HMCN2: variants seen among roughly 807,000 people sequenced by gnomAD.
HMCN2 encodes the protein hemicentin-2.
A neutral mutation model predicts 377.5 loss-of-function variants in HMCN2; 325 were observed. The ratio of observed to expected loss-of-function variants is 0.86; its 90% CI spans 0.79 to 0.94. HMCN2 has a LOEUF of 0.94. Ranked by LOEUF, HMCN2 falls within the 40% of genes least tolerant of loss-of-function variation. The pLI is 0.00. For synonymous variants in HMCN2, 2,007 were observed against 2,046.8 expected (o/e 0.98, Z 0.53); for missense variants, 4,543 against 4,725.3 (o/e 0.96, Z 1.13).
intron 85 of HMCN2, 44 bp downstream of exon 85, chr9:130,410,696 C>A: frequency 6.6e-7 from 1 of 1,513,348 alleles, no homozygotes; most frequent in Non-Finnish European, 9.0e-7. Flanking sequence ...GAAGTGTGCT[C>A]GGGGACAGCG....
At chr9:130,407,984 C>CTTCTGACCAATTGCCT (rs1302565483) in intron 83 of HMCN2, among the ~76,000 whole-genome samples, 4 of 152,210 alleles carry the variant, frequency 2.6e-5, no homozygotes, top group Non-Finnish European at 5.9e-5. Flanking sequence ...ACCAATTGCC[C>CTTCTGACCAATTGCCT]TACAGCACTA....
rs11288770 is a variant in HMCN2 at position 130,269,792 on chromosome 9, G to GTT, written c.259+3665_259+3666dup. 7.8e-5 allele frequency among the ~76,000 whole-genome samples: 11 copies of GTT among 141,148 alleles called. 1 individual carries two copies. Among genetic ancestry groups the GTT allele is most frequent in the Non-Finnish European group, 9.5e-5 (6 of 62,872 alleles). The allele number at this position is 141,148 out of a possible 152,430, so 92.6% of individuals were successfully genotyped here. On this transcript the variant is annotated intron_variant, in intron 1 of 97. Coordinates refer to ENST00000683500, the MANE Select transcript of HMCN2 (RefSeq NM_001291815.2). Reference sequence around the variant, plus strand: ...GGACCTTATGTTGATGATGTTATCTGTTTTTTTTTTTGTTGTTGTTTGTTT... The same window carrying GTT: ...GGACCTTATGTTGATGATGTTATCTGTTTTTTTTTTTTTGTTGTTGTTTGTTT...
At chr9:130,266,951 T>C (rs1834137014) in intron 1 of HMCN2, among the ~76,000 whole-genome samples, 1 of 114,344 alleles carries the variant, frequency 8.7e-6, no homozygotes, top group Non-Finnish European at 1.7e-5. Context: ...TTTCCACACT[T>C]CTTTTTTTTT....
In HMCN2 at chr9:130,308,030, C is replaced by T. The variant is rs1554937492; in HGVS notation, c.2200+464C>T. On this transcript the variant is annotated intron_variant, in intron 14 of 97. Transcript: ENST00000683500. The surrounding 1 kb of genome is among the most constrained non-coding windows in gnomAD (Gnocchi z 4.1). ...GGTGTGCAGTGGTGTAATCTCGGCTCACTGCAGCCTCCACCTCCTGGGTTC... is the reference window on the plus strand; with the variant it reads ...GGTGTGCAGTGGTGTAATCTCGGCTTACTGCAGCCTCCACCTCCTGGGTTC... Among the ~76,000 whole-genome samples the T allele has an allele frequency of 6.6e-6, 1 of 151,900 alleles. No homozygotes were observed. Among genetic ancestry groups the T allele is most frequent in the African/African-American group, 2.4e-5 (1 of 41,322 alleles).
chr9:130,309,932 G>GCC lies in HMCN2; in HGVS notation c.2224_2225dup (p.Glu743LeufsTer47). 1.9e-6 allele frequency: 1 copy of GCC among 517,318 alleles called. No homozygotes were observed. The highest frequency in any genetic ancestry group is 4.0e-6 in the Non-Finnish European group (1 of 251,872). The allele number at this position is 517,318 out of a possible 1,614,324, so 32.0% of individuals were successfully genotyped here. A position where few individuals can be genotyped will look rare whatever the true frequency, so the allele number is the denominator to read the frequency against. On this transcript the variant is annotated frameshift_variant, in exon 15 of 98. Coordinates refer to ENST00000683500, the MANE Select transcript of HMCN2 (RefSeq NM_001291815.2). LOFTEE classifies it high-confidence loss of function. ...TCCAGGGGGTCTTGAAATGATCCTG[G>GCC]CCCCTGAGGGCTCCAGCTCTGGGAA... is the stretch of plus-strand genomic sequence containing the variant.
At chr9:130,432,944 C>G in intron 97 of HMCN2, 1 of 348,386 alleles carries the variant, frequency 2.9e-6, no homozygotes, top group Non-Finnish European at 5.2e-6. Context: ...GGCCTTACAA[C>G]TAGAAACGTA....
chr9:130,327,586 G>C (rs1245715077), intron 22 of HMCN2, 111 bp downstream of exon 22: 5 of 152,108 alleles, frequency 3.3e-5, no homozygotes, highest in Admixed American at 1.3e-4. Context: ...TCTCCCATAG[G>C]GTGCTGCTCC....
At chr9:130,312,040 G>A in intron 15 of HMCN2, among the ~76,000 whole-genome samples, 1 of 152,318 alleles carries the variant, frequency 6.6e-6, no homozygotes. Flanking sequence ...GCTGGCTCAT[G>A]TAACCCTCAC....
Position 130,433,433 on chromosome 9 carries a change from G to A in HMCN2, c.14980G>A (p.Val4994Met). 13 of 1,494,910 alleles carry A rather than the reference G, an allele frequency of 8.7e-6. No homozygotes were observed. The highest frequency in any genetic ancestry group is 1.1e-5 in the Non-Finnish European group (13 of 1,130,454). 92.6% of individuals were successfully genotyped at this position (1,494,910 alleles called of 1,614,324 possible). A position where few individuals can be genotyped will look rare whatever the true frequency, so the allele number is the denominator to read the frequency against. ...CCGGCTGCTGCCGCTGCCCCTGGGC[G>A]TGCGCGCCCACCACGACGTGGCCCG... ...QYRLLPLPLG[V>M]RAHHDVARLT... Residue 4994 changes from valine (V) to methionine (M), a missense_variant, in exon 98 of 98, where the codon GTG becomes ATG. Val to Met is a conservative substitution (Grantham distance 21). This residue lies in a region of HMCN2 where 1,155 missense variants were observed against 1,157.7 expected (regional missense o/e 1.00). Transcript: ENST00000683500.
At chr9:130,345,816 G>T (rs1334161768) in intron 25 of HMCN2, among the ~76,000 whole-genome samples, 1 of 151,918 alleles carries the variant, frequency 6.6e-6, no homozygotes, top group East Asian at 1.9e-4. Flanking sequence ...GGCCCTCCCT[G>T]TCCCTCATGC....
chr9:130,354,916 C>A lies in HMCN2; in HGVS notation c.5018C>A (p.Ser1673Ter). The A allele has an allele frequency of 7.7e-7, 1 of 1,304,092 alleles. No homozygotes were observed. Among genetic ancestry groups the A allele is most frequent in the Non-Finnish European group, 1.0e-6 (1 of 988,950 alleles). The allele number at this position is 1,304,092 out of a possible 1,614,324, so 80.8% of individuals were successfully genotyped here. A position where few individuals can be genotyped will look rare whatever the true frequency, so the allele number is the denominator to read the frequency against. The change falls in exon 32 of 98, where the codon TCG becomes TAG. Residue 1673 changes from serine to a stop codon, truncating the protein, a stop_gained. Coordinates refer to ENST00000683500, the MANE Select transcript of HMCN2 (RefSeq NM_001291815.2). LOFTEE classifies it high-confidence loss of function. ...EGLPVAESNE[S>*]RLETDGSVLR... ...CTGCCCGTGGCAGAGAGCAACGAGT[C>A]GCGGCTGGAGACAGACGGGAGTGTG...
At chr9:130,295,478 T>A (rs947506) in intron 5 of HMCN2, among the ~76,000 whole-genome samples, 188 bp from the exon 6 acceptor site, 14,623 of 152,006 alleles carry the variant, frequency 0.096, 764 homozygotes, top group Middle Eastern at 0.15. Flanking sequence ...GGGCACACAG[T>A]CTGCCCCTGG....
intron 1 of HMCN2, among the ~76,000 whole-genome samples, chr9:130,281,670 G>T (rs1835130434): frequency 1.3e-5 from 2 of 151,458 alleles, no homozygotes; most frequent in Non-Finnish European, 2.9e-5. Context: ...GAGGCGGGCG[G>T]ATCACCTGAG....
chr9:130,340,298 T>A (rs1052822267), intron 23 of HMCN2, among the ~76,000 whole-genome samples: 36 of 152,246 alleles, frequency 2.4e-4, no homozygotes, highest in Admixed American at 3.9e-4. Context: ...GCTGGCTGCT[T>A]TAGTGCCGCA....
Position 130,374,496 on chromosome 9 carries a change from A to C in HMCN2, c.7439-6A>C. 1.0e-6 allele frequency: 1 copy of C among 985,826 alleles called. No individual in the cohort carries two copies. The highest frequency in any genetic ancestry group is 5.2e-4 in the Middle Eastern group (1 of 1,914). 61.1% of individuals were successfully genotyped at this position (985,826 alleles called of 1,614,324 possible). A position where few individuals can be genotyped will look rare whatever the true frequency, so the allele number is the denominator to read the frequency against. On this transcript the variant is annotated splice_region_variant and splice_polypyrimidine_tract_variant and intron_variant, in intron 48 of 97. Transcript: ENST00000683500. ...CAAATTGTCTCATTCTCTGCTCTGC[A>C]TACAGGCCACCCACAGCCCAAGCTC...
chr9:130,376,389 T>A (rs1841377568), intron 51 of HMCN2, 127 bp from the exon 52 acceptor site: 1 of 159,230 alleles, frequency 6.3e-6, no homozygotes, highest in South Asian at 2.0e-4. Flanking sequence ...AGGAGCAGGC[T>A]GGCTTCCAGG....
chr9:130,363,864 A>AGAAG (rs1157607885), intron 40 of HMCN2, among the ~76,000 whole-genome samples: 3 of 149,250 alleles, frequency 2.0e-5, no homozygotes, highest in Non-Finnish European at 3.0e-5. Flanking sequence ...AGAGAGAGAG[A>AGAAG]GAAGGAAGGA....
At position 130,395,957 on chromosome 9, in the gene HMCN2, A is replaced by AGG. The variant is rs1842586504; in HGVS notation, c.10946_10947dup (p.Phe3650GlyfsTer8). On this transcript the variant is annotated frameshift_variant, in exon 72 of 98. Transcript: ENST00000683500. LOFTEE classifies it high-confidence loss of function. ...CCACACACAATTCCCGGAGCGGGGC[A>AGG]GGTTCCTCCAGCTGCAGGCCCTGAG... 1 of 1,287,460 alleles carries AGG rather than the reference A, an allele frequency of 7.8e-7. No homozygotes were observed. 79.8% of individuals were successfully genotyped at this position (1,287,460 alleles called of 1,614,324 possible). A position where few individuals can be genotyped will look rare whatever the true frequency, so the allele number is the denominator to read the frequency against.
chr9:130,423,177 C>G lies in HMCN2; in HGVS notation c.13381+451C>G, dbSNP rs990248179. 2.6e-5 allele frequency among the ~76,000 whole-genome samples: 4 copies of G among 152,098 alleles called. No homozygotes were observed. Among genetic ancestry groups the G allele is most frequent in the African/African-American group, 9.7e-5 (4 of 41,402 alleles). On this transcript the variant is annotated intron_variant, in intron 87 of 97. Coordinates refer to ENST00000683500, the MANE Select transcript of HMCN2 (RefSeq NM_001291815.2). This position sits in a 1 kb window ranked among gnomAD's most constrained non-coding sequence, Gnocchi z 5.5. ...ATGGAGAATTGAATTGCCTAGAAAA[C>G]CTAGAGGACTAAGAAGAGTCACCTG... is the stretch of plus-strand genomic sequence containing the variant.
Sources: allele counts gnomAD v4.1 joint callset (sites outside exome capture counted in the v4.1 genomes callset), GRCh38; gene constraint gnomAD v4.1.1; regional missense constraint gnomAD v4.1.1; non-coding constraint Gnocchi (gnomAD v3.1); transcripts MANE v1.5; gene names NCBI Gene and HGNC (gene_info 2026-07-23, HGNC 2026-07-21).